RYR3: variants seen among roughly 807,000 people sequenced by gnomAD.
RYR3 encodes ryanodine receptor 3.
In RYR3, 207 loss-of-function variants were observed where a neutral mutation model predicts 584.3. The ratio of observed to expected loss-of-function variants is 0.35; its 90% CI spans 0.32 to 0.40. The LOEUF is 0.40. RYR3 is among the 10% of genes least tolerant of loss of function. RYR3 has a pLI of 1.00. For synonymous variants in RYR3, 2,416 were observed against 2,248.5 expected (o/e 1.07, Z -2.11); for missense variants, 5,616 against 6,089.2 (o/e 0.92, Z 2.59).
chr15:33,694,455 A>G (rs1596193867), intron 38 of RYR3, among the ~76,000 whole-genome samples: 2 of 152,102 alleles, frequency 1.3e-5, no homozygotes, highest in Non-Finnish European at 2.9e-5. Flanking sequence ...CGTGTTAGCC[A>G]GGATAGTCTC....
At chr15:33,645,068 A>G (rs2062026710) in intron 28 of RYR3, among the ~76,000 whole-genome samples, 1 of 152,058 alleles carries the variant, frequency 6.6e-6, no homozygotes, top group African/African-American at 2.4e-5. Flanking sequence ...TATATTCAAG[A>G]TTATATATAC....
intron 12 of RYR3, among the ~76,000 whole-genome samples, chr15:33,578,053 C>G (rs1304181118): frequency 2.0e-5 from 3 of 152,198 alleles, no homozygotes; most frequent in Non-Finnish European, 4.4e-5. Flanking sequence ...GTCAAAACCA[C>G]AATGACATAC....
At chr15:33,538,594 C>T (rs1449981139) in intron 5 of RYR3, among the ~76,000 whole-genome samples, 1 of 152,144 alleles carries the variant, frequency 6.6e-6, no homozygotes, top group East Asian at 1.9e-4. Flanking sequence ...GGTCTTCTGG[C>T]TGTTCAGGGC....
chr15:33,614,809 T>C (rs1031755378), intron 19 of RYR3, among the ~76,000 whole-genome samples: 1 of 152,186 alleles, frequency 6.6e-6, no homozygotes, highest in Non-Finnish European at 1.5e-5. Flanking sequence ...TATTGTTTTT[T>C]GTTTTTCTTT....
At chr15:33,320,110 T>G (rs1968755698) in intron 1 of RYR3, among the ~76,000 whole-genome samples, 1 of 152,162 alleles carries the variant, frequency 6.6e-6, no homozygotes, top group Non-Finnish European at 1.5e-5. Context: ...CAGCTGCAAA[T>G]AAGCACTCCA....
intron 18 of RYR3, among the ~76,000 whole-genome samples, chr15:33,609,953 A>G (rs1433760164): frequency 6.6e-6 from 1 of 152,070 alleles, no homozygotes; most frequent in African/African-American, 2.4e-5. Flanking sequence ...TTTCTTTTTA[A>G]ATAATTTTAC....
rs2061417435 is a variant in RYR3, at chr15:33,634,607, C to A, written c.3049C>A (p.Pro1017Thr). The A allele has an allele frequency of 6.2e-7, 1 of 1,613,950 alleles. No homozygotes were observed. The highest frequency in any genetic ancestry group is 1.7e-5 in the Admixed American group (1 of 60,024). The change falls in exon 25 of 104, where the codon CCC becomes ACC. Residue 1017 changes from proline (P) to threonine (T), a missense_variant. Pro to Thr is a conservative substitution (Grantham distance 38, BLOSUM62 -1). Around this residue, in one of 9 missense-constraint regions of RYR3, gnomAD observed 1,284 missense variants for 1,344.6 expected, o/e 0.95. Coordinates refer to ENST00000634891, the MANE Select transcript of RYR3 (RefSeq NM_001036.6). The stretch of plus-strand genomic sequence containing the variant: ...ATAGGATTTGAAGAACAAAAGAAAT[C>A]CCCGTCTGGTGCCATATGCATTACT... ...IQQDLKNKRN[P>T]RLVPYALLDE... is the part of the protein sequence containing the mutation.
intron 32 of RYR3, among the ~76,000 whole-genome samples, chr15:33,654,388 A>G (rs2062697685): frequency 6.6e-6 from 1 of 151,746 alleles, no homozygotes; most frequent in Non-Finnish European, 1.5e-5. Flanking sequence ...GGTGGCATAC[A>G]CTTGTGGTCC....
intron 38 of RYR3, among the ~76,000 whole-genome samples, chr15:33,687,145 C>T (rs1411839673): frequency 6.6e-6 from 1 of 152,194 alleles, no homozygotes; most frequent in Non-Finnish European, 1.5e-5. Flanking sequence ...TTGCCAATGA[C>T]ATGATTGTAT....
chr15:33,736,528 CT>C (rs2152829822), intron 49 of RYR3, among the ~76,000 whole-genome samples: 1 of 152,258 alleles, frequency 6.6e-6, no homozygotes, highest in African/African-American at 2.4e-5. Context: ...CTCCAATTTT[CT>C]TTAACTGCTT....
intron 1 of RYR3, among the ~76,000 whole-genome samples, chr15:33,438,302 G>A (rs751014283): frequency 6.6e-6 from 1 of 151,736 alleles, no homozygotes; most frequent in Non-Finnish European, 1.5e-5. Flanking sequence ...CTCCCATTCC[G>A]TACTTCCCTC....
At chr15:33,477,780 C>G (rs867596882) in intron 2 of RYR3, among the ~76,000 whole-genome samples, 1 of 130,976 alleles carries the variant, frequency 7.6e-6, no homozygotes, top group African/African-American at 3.6e-5. Flanking sequence ...GAGGCTGAGG[C>G]GGGAGAATGG....
chr15:33,562,148 G>A (rs1013628512), intron 10 of RYR3, among the ~76,000 whole-genome samples: 2 of 152,186 alleles, frequency 1.3e-5, no homozygotes, highest in Admixed American at 6.5e-5. Flanking sequence ...ATTGTGACAG[G>A]TACTTCAGAT....
Position 33,707,042 on chromosome 15 carries a change from G to C in RYR3, c.6607G>C (p.Val2203Leu). The C allele has an allele frequency of 6.2e-7, 1 of 1,613,928 alleles. No homozygotes were observed. The highest frequency in any genetic ancestry group is 1.1e-5 in the South Asian group (1 of 91,074). Residue 2203 changes from valine (V) to leucine (L), a missense_variant, in exon 43 of 104, where the codon GTC becomes CTC. By Grantham distance (32) the Val-to-Leu change is conservative. This residue lies in a region of RYR3 where 1,280 missense variants were observed against 1,426.2 expected (regional missense o/e 0.90). Transcript: ENST00000634891. ...ERYLSFLRFA[V>L]FVNSESVEEN... ...CTACCTGTCCTTCCTGAGGTTTGCT[G>C]TCTTCGTGAACAGTGAGTCCCACAT...
chr15:33,374,482 T>C (rs2040581567), intron 1 of RYR3, among the ~76,000 whole-genome samples: 1 of 151,984 alleles, frequency 6.6e-6, no homozygotes, highest in Non-Finnish European at 1.5e-5. Context: ...TCAATTATGG[T>C]CAGTGCCAAC....
At chr15:33,751,669 A>G (rs1338617635) in intron 57 of RYR3, among the ~76,000 whole-genome samples, 1 of 151,890 alleles carries the variant, frequency 6.6e-6, no homozygotes, top group African/African-American at 2.4e-5. Flanking sequence ...ATTTTCTCCA[A>G]TTCTGTAGGT....
intron 5 of RYR3, among the ~76,000 whole-genome samples, chr15:33,537,727 G>T (rs1052118590): frequency 7.2e-5 from 11 of 152,112 alleles, no homozygotes; most frequent in Non-Finnish European, 1.5e-4. Flanking sequence ...TTTCTGTTCT[G>T]ACATCTCACT....
chr15:33,644,850 CTTTTT>C (rs1203173499), intron 28 of RYR3, among the ~76,000 whole-genome samples: 1 of 149,620 alleles, frequency 6.7e-6, no homozygotes, highest in Non-Finnish European at 1.5e-5. Context: ...GTTTTTTTTT[CTTTTT>C]TTAAGTTCGG....
chr15:33,784,679 G>A (rs1481544364), intron 65 of RYR3, among the ~76,000 whole-genome samples: 2 of 152,152 alleles, frequency 1.3e-5, no homozygotes, highest in African/African-American at 2.4e-5. Flanking sequence ...ATCAATGGGT[G>A]CGTATGCAAA....
Sources: gnomAD v4.1 joint callset for allele counts (sites outside exome capture counted in the v4.1 genomes callset) on GRCh38, gnomAD v4.1.1 for gene constraint, gnomAD v4.1.1 regional missense constraint, MANE v1.5 for transcripts, NCBI Gene and HGNC (gene_info 2026-07-23, HGNC 2026-07-21) for gene names.